The following ARHGEF7 variants were observed in gnomAD, a reference collection of about 807,000 sequenced individuals.
ARHGEF7 encodes Rho guanine nucleotide exchange factor 7, also known as PAK-interacting exchange factor beta.
A neutral mutation model predicts 109.8 loss-of-function variants in ARHGEF7; 33 were observed. That is an observed-to-expected ratio of 0.30 (90% confidence interval 0.23 to 0.40). ARHGEF7 has a LOEUF of 0.40. Among genes scored for constraint, ARHGEF7 ranks in the 10% least tolerant of loss-of-function variants. ARHGEF7 has a pLI of 1.00. For synonymous variants in ARHGEF7, 458 were observed against 424.6 expected, an observed-to-expected ratio of 1.08 and a Z score of -0.97; for missense variants, 938 against 1,098.5, an observed-to-expected ratio of 0.85 and a Z score of 2.07.
At chr13:111,179,597 T>G (rs1166541199) in intron 2 of ARHGEF7, among the ~76,000 whole-genome samples, 1 of 152,238 alleles carries the variant, frequency 6.6e-6, no homozygotes. Context: ...TATTCAGATA[T>G]CTCTGGTGGT....
At chr13:111,146,214 A>G (rs2075585103) in intron 1 of ARHGEF7, among the ~76,000 whole-genome samples, 1 of 152,170 alleles carries the variant, frequency 6.6e-6, no homozygotes, top group Admixed American at 6.5e-5. Flanking sequence ...TTCTCCAAGT[A>G]GGAAAAAAAC....
intron 15 of ARHGEF7, among the ~76,000 whole-genome samples, chr13:111,281,999 G>A (rs943627475): frequency 1.3e-5 from 2 of 152,222 alleles, no homozygotes; most frequent in Non-Finnish European, 2.9e-5. Context: ...ACCAGACACT[G>A]CTTTGACGTT....
intron 6 of ARHGEF7, among the ~76,000 whole-genome samples, chr13:111,236,514 C>T (rs1228935582): frequency 6.6e-6 from 1 of 152,198 alleles, no homozygotes; most frequent in East Asian, 1.9e-4. Context: ...TGCTCAGTGA[C>T]TCACCTAGAG....
At chr13:111,154,128 G>A in intron 2 of ARHGEF7, 137 bp downstream of exon 2, 2 of 947,166 alleles carry the variant, frequency 2.1e-6, no homozygotes, top group Non-Finnish European at 1.5e-6. Flanking sequence ...GAGAGTCCGG[G>A]ATGTGTGGAA....
chr13:111,125,233 T>C (rs1022921133), intron 1 of ARHGEF7, among the ~76,000 whole-genome samples: 1 of 152,218 alleles, frequency 6.6e-6, no homozygotes, highest in African/African-American at 2.4e-5. Flanking sequence ...TGAATGAATA[T>C]CCATGTCCTA....
At chr13:111,155,773 T>C (rs372400485) in intron 2 of ARHGEF7, among the ~76,000 whole-genome samples, 10 of 152,176 alleles carry the variant, frequency 6.6e-5, no homozygotes, top group East Asian at 5.8e-4. Flanking sequence ...TTTAAAAAAG[T>C]TTTGTTTTAA....
At chr13:111,115,722 C>T in intron 1 of ARHGEF7, 31 bp downstream of exon 1, 2 of 1,127,264 alleles carry the variant, frequency 1.8e-6, no homozygotes, top group Non-Finnish European at 2.2e-6. Context: ...CCGCCCGCGC[C>T]CCCCGGTCCG....
chr13:111,191,365 G>A (rs998356774), intron 2 of ARHGEF7, among the ~76,000 whole-genome samples: 7 of 152,216 alleles, frequency 4.6e-5, no homozygotes, highest in Admixed American at 1.3e-4. Context: ...TAACAGGGCC[G>A]TGTATGCGCT....
intron 1 of ARHGEF7, among the ~76,000 whole-genome samples, chr13:111,122,983 C>T (rs1267421264): frequency 6.6e-6 from 1 of 152,148 alleles, no homozygotes; most frequent in Admixed American, 6.5e-5. Context: ...GGTCAGCCTC[C>T]CAGGACACAA....
chr13:111,295,320 T>C, intron 19 of ARHGEF7: 1 of 472,100 alleles, frequency 2.1e-6, no homozygotes, highest in Non-Finnish European at 2.8e-6. Flanking sequence ...AGAACCCTTC[T>C]GTCTGCCCTG....
chr13:111,211,373 C>T (rs3783089), intron 4 of ARHGEF7, among the ~76,000 whole-genome samples: 20,226 of 152,082 alleles, frequency 0.13, 1,371 homozygotes, highest in South Asian at 0.22. Context: ...CTGTCTCACC[C>T]GTTCACTGGT....
At chr13:111,160,440 T>C (rs540263379) in intron 2 of ARHGEF7, among the ~76,000 whole-genome samples, 1 of 152,268 alleles carries the variant, frequency 6.6e-6, no homozygotes, top group African/African-American at 2.4e-5. Context: ...GTGGATCACC[T>C]TGGATGTTTT....
Position 111,221,341 on chromosome 13 carries a change from C to A in ARHGEF7, c.670+3461C>A, listed in dbSNP as rs1477025688. 5.3e-4 allele frequency among the ~76,000 whole-genome samples: 4 copies of A among 7,482 alleles called. 1 individual carries two copies. The highest frequency in any genetic ancestry group is 1.1e-3 in the Non-Finnish European group (4 of 3,484). The allele number at this position is 7,482 out of a possible 152,430, so 4.9% of individuals were successfully genotyped here. ...TATAGATATATATGTCTATATATAT[C>A]TATATATATGTCTATATATATATCT... On this transcript the variant is annotated intron_variant, in intron 5 of 21. Coordinates refer to ENST00000646102, the MANE Select transcript of ARHGEF7 (RefSeq NM_001354046.2).
At chr13:111,284,639 T>G (rs2092938486) in intron 16 of ARHGEF7, among the ~76,000 whole-genome samples, 1 of 152,210 alleles carries the variant, frequency 6.6e-6, no homozygotes, top group African/African-American at 2.4e-5. Context: ...TTTTTTTTGA[T>G]AAGTCTGGCT....
chr13:111,186,438 G>A (rs537729602), intron 2 of ARHGEF7, among the ~76,000 whole-genome samples: 97 of 152,258 alleles, frequency 6.4e-4, no homozygotes, highest in Non-Finnish European at 1.1e-3. Flanking sequence ...GATAGCATCC[G>A]TCATCAGACT....
In ARHGEF7 at chr13:111,255,285, G is replaced by A. The variant is rs372058724; in HGVS notation, c.950+10991G>A. Among the ~76,000 whole-genome samples the A allele has an allele frequency of 1.3e-5, 2 of 152,178 alleles. No homozygotes were observed. The highest frequency in any genetic ancestry group is 6.5e-5 in the Admixed American group (1 of 15,278). On this transcript the variant is annotated intron_variant, in intron 8 of 21. Coordinates refer to ENST00000646102, the MANE Select transcript of ARHGEF7 (RefSeq NM_001354046.2). This position sits in a 1 kb window ranked among gnomAD's most constrained non-coding sequence, Gnocchi z 4.1. ...AGATGTCACAGGGGAGGGTGGAAGCGGATACTGGGAGCTGCAGACTTCCCA... is the reference window on the plus strand; with the variant it reads ...AGATGTCACAGGGGAGGGTGGAAGCAGATACTGGGAGCTGCAGACTTCCCA...
At chr13:111,221,473 A>ATC (rs2084196339) in intron 5 of ARHGEF7, among the ~76,000 whole-genome samples, 1 of 95,686 alleles carries the variant, frequency 1.0e-5, no homozygotes. Flanking sequence ...AGACATCTAT[A>ATC]TATATAGATA....
chr13:111,188,194 G>A (rs2079467381), intron 2 of ARHGEF7, among the ~76,000 whole-genome samples: 2 of 152,170 alleles, frequency 1.3e-5, no homozygotes, highest in Admixed American at 1.3e-4. Context: ...CCACGCTGTG[G>A]AGCTGTCTTG....
chr13:111,181,548 T>C (rs2078731505), intron 2 of ARHGEF7, among the ~76,000 whole-genome samples: 1 of 152,116 alleles, frequency 6.6e-6, no homozygotes, highest in African/African-American at 2.4e-5. Flanking sequence ...CTGGATTTCA[T>C]TGTGGTGGAG....
Sources: allele counts gnomAD v4.1 joint callset (sites outside exome capture counted in the v4.1 genomes callset), GRCh38; gene constraint gnomAD v4.1.1; non-coding constraint Gnocchi (gnomAD v3.1); transcripts MANE v1.5; gene names NCBI Gene and HGNC (gene_info 2026-07-23, HGNC 2026-07-21).